TAFA1: variants seen among roughly 807,000 people sequenced by gnomAD.
TAFA1 encodes the protein chemokine-like protein TAFA-1.
A neutral mutation model predicts 18.5 loss-of-function variants in TAFA1; 4 were observed. The observed-to-expected ratio is 0.22, with a 90% confidence interval of 0.11 to 0.49. The LOEUF (loss-of-function observed/expected upper bound fraction) is 0.49, where lower values mean the gene tolerates loss of function less well. Among genes scored for constraint, TAFA1 ranks in the 20% least tolerant of loss-of-function variants. The pLI, the probability that TAFA1 is intolerant of heterozygous loss-of-function variation, is 0.98. For synonymous variants in TAFA1, 56 were observed against 55.2 expected (o/e 1.01, Z -0.06); for missense variants, 147 against 169.0 (o/e 0.87, Z 0.72).
intron 2 of TAFA1, among the ~76,000 whole-genome samples, chr3:68,163,706 T>G (rs1319742417): frequency 6.6e-6 from 1 of 152,212 alleles, no homozygotes; most frequent in Non-Finnish European, 1.5e-5. Context: ...TTTTGTTCAT[T>G]ACAGTATCCT....
chr3:68,247,744 A>G (rs994129194), intron 2 of TAFA1: 1 of 152,242 alleles, frequency 6.6e-6, no homozygotes, highest in African/African-American at 2.4e-5. Flanking sequence ...AACACGATTC[A>G]TGACTCTGTT....
chr3:68,303,215 C>G (rs1293547158), intron 2 of TAFA1, among the ~76,000 whole-genome samples: 1 of 152,112 alleles, frequency 6.6e-6, no homozygotes, highest in Non-Finnish European at 1.5e-5. Context: ...CTGTCAAGGA[C>G]AAACATTTGT....
At chr3:68,324,064 G>A (rs966756087) in intron 2 of TAFA1, among the ~76,000 whole-genome samples, 2 of 152,136 alleles carry the variant, frequency 1.3e-5, no homozygotes, top group Non-Finnish European at 2.9e-5. Context: ...TGTAGTATAT[G>A]CTTTCGATTT....
At chr3:68,293,955 T>C (rs1341605389) in intron 2 of TAFA1, among the ~76,000 whole-genome samples, 2 of 152,206 alleles carry the variant, frequency 1.3e-5, no homozygotes, top group Non-Finnish European at 2.9e-5. Context: ...AGAATGTCTC[T>C]GCAAAGCTAT....
intron 2 of TAFA1, among the ~76,000 whole-genome samples, chr3:68,050,425 G>C (rs1032784182): frequency 2.6e-5 from 4 of 151,954 alleles, no homozygotes; most frequent in Non-Finnish European, 5.9e-5. Flanking sequence ...GTGTAGAAGT[G>C]AATGCTGAGG....
intron 2 of TAFA1, among the ~76,000 whole-genome samples, chr3:68,398,317 G>A (rs987058624): frequency 2.0e-5 from 3 of 152,086 alleles, no homozygotes; most frequent in Non-Finnish European, 2.9e-5. Flanking sequence ...ACAAGCAATG[G>A]GGAAAGGATT....
intron 2 of TAFA1, among the ~76,000 whole-genome samples, chr3:68,171,683 C>T (rs1318274865): frequency 1.3e-5 from 2 of 152,052 alleles, no homozygotes; most frequent in African/African-American, 2.4e-5. Flanking sequence ...ACTAAAATTA[C>T]CTCTAAAGAA....
intron 2 of TAFA1, among the ~76,000 whole-genome samples, chr3:68,376,291 A>G (rs2069815903): frequency 6.6e-6 from 1 of 150,738 alleles, no homozygotes; most frequent in Non-Finnish European, 1.5e-5. Context: ...GTACATATGC[A>G]GGTTTGTTAC....
intron 2 of TAFA1, among the ~76,000 whole-genome samples, chr3:68,083,839 T>G (rs2064937929): frequency 6.6e-6 from 1 of 152,206 alleles, no homozygotes; most frequent in Non-Finnish European, 1.5e-5. Flanking sequence ...ATGATCATGC[T>G]TCTTCATAAG....
At chr3:68,495,007 CAAAAG>C (rs547370273) in intron 3 of TAFA1, among the ~76,000 whole-genome samples, 59 of 151,952 alleles carry the variant, frequency 3.9e-4, no homozygotes, top group African/African-American at 5.8e-4. Flanking sequence ...AGAGTAAAAA[CAAAAG>C]AAAAGAAAAG....
At chr3:68,339,493 A>G (rs941250468) in intron 2 of TAFA1, among the ~76,000 whole-genome samples, 3 of 152,200 alleles carry the variant, frequency 2.0e-5, no homozygotes, top group African/African-American at 7.2e-5. Flanking sequence ...TTTTGAAGAC[A>G]TTATATTAAT....
chr3:68,246,545 G>C (rs1336898956), intron 2 of TAFA1, among the ~76,000 whole-genome samples: 1 of 130,850 alleles, frequency 7.6e-6, no homozygotes, highest in Non-Finnish European at 1.6e-5. Context: ...AGCCGAGATG[G>C]TGCCACCGCA....
At position 68,147,753 on chromosome 3, in the gene TAFA1, T is replaced by C. The variant is rs140733135; in HGVS notation, c.118+141009T>C. Among the ~76,000 whole-genome samples, 1,079 of 152,310 alleles carry C rather than the reference T, an allele frequency of 7.1e-3. 15 individuals are homozygous for C. Among genetic ancestry groups the C allele is most frequent in the African/African-American group, 0.025 (1,037 of 41,572 alleles). ...ATCTCTGGCTCTTTCTTCCGCTTAA[T>C]GATAGGCTTTGAGCAAAGACATTGA... On this transcript the variant is annotated intron_variant, in intron 2 of 4. Coordinates refer to ENST00000478136, the MANE Select transcript of TAFA1 (RefSeq NM_213609.4).
rs192495919 is a variant in TAFA1 at position 68,478,799 on chromosome 3, G to A, written c.260-59957G>A. 4.9e-4 allele frequency among the ~76,000 whole-genome samples: 74 copies of A among 151,274 alleles called. No homozygotes were observed. The South Asian group carries it at 7.5e-3, about 15-fold the overall frequency. On this transcript the variant is annotated intron_variant, in intron 3 of 4. Coordinates refer to ENST00000478136, the MANE Select transcript of TAFA1 (RefSeq NM_213609.4). ...TTTGAAAAAGGTATGTGTTGTATAT[G>A]GAAATACCCAATTCTATATTTCTAT... is the stretch of plus-strand genomic sequence containing the variant.
chr3:68,440,909 C>T (rs1405757981), intron 3 of TAFA1, among the ~76,000 whole-genome samples: 3 of 152,170 alleles, frequency 2.0e-5, no homozygotes, highest in Admixed American at 2.0e-4. Context: ...GCAATCTTAA[C>T]TTCCAATTTA....
chr3:68,147,702 T>C (rs537437805), intron 2 of TAFA1, among the ~76,000 whole-genome samples: 3 of 152,288 alleles, frequency 2.0e-5, no homozygotes, highest in South Asian at 4.1e-4. Context: ...AACATTTTTT[T>C]TGTAGCTCTA....
At chr3:68,339,159 A>G (rs2106748691) in intron 2 of TAFA1, among the ~76,000 whole-genome samples, 1 of 152,370 alleles carries the variant, frequency 6.6e-6, no homozygotes, top group Middle Eastern at 3.4e-3. Flanking sequence ...GTAGGTATGT[A>G]AAGAACCGCA....
chr3:68,264,661 G>GTCAATGAAAGTCTCTA (rs1553663216), intron 2 of TAFA1, among the ~76,000 whole-genome samples: 1 of 150,920 alleles, frequency 6.6e-6, no homozygotes, highest in African/African-American at 2.4e-5. Context: ...GCTTAACACA[G>GTCAATGAAAGTCTCTA]TCAATGAAAG....
intron 3 of TAFA1, among the ~76,000 whole-genome samples, chr3:68,484,908 G>A (rs1468997183): frequency 1.3e-5 from 2 of 152,040 alleles, no homozygotes; most frequent in African/African-American, 4.8e-5. Context: ...ATCTTCTCAG[G>A]GAAAAGGGAA....
Sources: gnomAD v4.1 joint callset for allele counts (sites outside exome capture counted in the v4.1 genomes callset) on GRCh38, gnomAD v4.1.1 for gene constraint, MANE v1.5 for transcripts, NCBI Gene and HGNC (gene_info 2026-07-23, HGNC 2026-07-21) for gene names.